The following MAD2L1BP variants were observed in gnomAD, a reference collection of about 807,000 sequenced individuals.
The protein encoded by MAD2L1BP is MAD2L1-binding protein.
Under a neutral mutation model 28.4 loss-of-function variants are expected in MAD2L1BP, and 22 were observed. The ratio of observed to expected loss-of-function variants is 0.77; its 90% CI spans 0.55 to 1.10. The LOEUF is 1.10. Among genes scored for constraint, MAD2L1BP ranks in the 50% least tolerant of loss-of-function variants. The pLI is 0.00. For missense variants in MAD2L1BP, 325 were observed against 350.5 expected (o/e 0.93, Z 0.58); for synonymous variants, 146 against 133.7 (o/e 1.09, Z -0.63).
rs748466687 is a variant in MAD2L1BP at position 43,636,636 on chromosome 6, C to T, written c.302C>T (p.Pro101Leu). 4.3e-6 allele frequency: 7 copies of T among 1,612,368 alleles called. No homozygotes were observed. Among genetic ancestry groups the T allele is most frequent in the Non-Finnish European group, 1.7e-6 (2 of 1,178,588 alleles). Residue 101 changes from proline (P) to leucine (L), a missense_variant, in exon 2 of 3, where the codon CCT becomes CTT. Physicochemically the swap from Pro to Leu is moderately conservative, Grantham distance 98 (BLOSUM62 -3). Coordinates refer to ENST00000372171, the MANE Select transcript of MAD2L1BP (RefSeq NM_014628.3). ...YEQLKHFYRK[P>L]SPQAEEMLKK... is the part of the protein sequence containing the mutation. ...CAGCTTAAGCACTTTTACCGAAAAC[C>T]TTCTCCCCAGGTAGGCACAGGCTTT...
chr6:43,630,762 A>C (rs1769865480), intron 1 of MAD2L1BP, among the ~76,000 whole-genome samples: 1 of 150,236 alleles, frequency 6.7e-6, no homozygotes, highest in African/African-American at 2.4e-5. Flanking sequence ...AAAAAAAATT[A>C]GCCCAGCATG....
upstream of MAD2L1BP, among the ~76,000 whole-genome samples, chr6:43,632,258 CTT>C (rs1197422575): frequency 1.3e-3 from 145 of 108,832 alleles, no homozygotes; most frequent in African/African-American, 3.8e-3. Context: ...GATTGATTGA[CTT>C]TTTTTTTTTT....
At chr6:43,637,467 C>T (rs1770302638) in intron 2 of MAD2L1BP, among the ~76,000 whole-genome samples, 2 of 151,012 alleles carry the variant, frequency 1.3e-5, no homozygotes, top group Admixed American at 1.3e-4. Context: ...GCCTTGTCAC[C>T]CAGGCTGGAG....
In MAD2L1BP at chr6:43,635,869, G is replaced by A. The variant is rs2127860410; in HGVS notation, c.-7G>A. The A allele has an allele frequency of 1.4e-6, 2 of 1,478,706 alleles. No individual in the cohort carries two copies. Among genetic ancestry groups the A allele is most frequent in the African/African-American group, 1.5e-5 (1 of 67,336 alleles). 91.6% of individuals were successfully genotyped at this position (1,478,706 alleles called of 1,614,324 possible). A position where few individuals can be genotyped will look rare whatever the true frequency, so the allele number is the denominator to read the frequency against. Reference sequence around the variant, plus strand: ...TAACCGCAAGGAGTAGCGGAGGGGAGGTCGTGATGGCGGCGCCGGAGGCGG... The same window carrying A: ...TAACCGCAAGGAGTAGCGGAGGGGAAGTCGTGATGGCGGCGCCGGAGGCGG... On this transcript the variant is annotated 5_prime_UTR_variant, in exon 1 of 3. Coordinates refer to ENST00000372171, the MANE Select transcript of MAD2L1BP (RefSeq NM_014628.3).
At chr6:43,635,765 C>T (rs1770169387), upstream of MAD2L1BP, 3 of 1,151,246 alleles carry the variant, frequency 2.6e-6, no homozygotes, top group Non-Finnish European at 3.5e-6. Flanking sequence ...ACTGCGGCGA[C>T]GCCGCGCCTT....
At chr6:43,630,022 A>G (rs922649539) in intron 1 of MAD2L1BP, among the ~76,000 whole-genome samples, 2 of 152,234 alleles carry the variant, frequency 1.3e-5, no homozygotes, top group Admixed American at 6.5e-5. Flanking sequence ...CTTTGTTTTG[A>G]AGCAGAACCA....
At chr6:43,636,978 A>G in intron 2 of MAD2L1BP, 1 of 200,114 alleles carries the variant, frequency 5.0e-6, no homozygotes, top group Admixed American at 5.5e-5. Flanking sequence ...CCCAGGTTCA[A>G]GCGATTCTGC....
upstream of MAD2L1BP, among the ~76,000 whole-genome samples, chr6:43,631,929 C>T (rs892588663): frequency 3.9e-5 from 6 of 152,040 alleles, no homozygotes; most frequent in South Asian, 4.1e-4. Flanking sequence ...GATGGAGTTT[C>T]GCTCTTGTTG....
At chr6:43,631,629 T>A (rs926977370), upstream of MAD2L1BP, among the ~76,000 whole-genome samples, 1 of 152,038 alleles carries the variant, frequency 6.6e-6, no homozygotes, top group East Asian at 1.9e-4. Flanking sequence ...GAACTACAGG[T>A]GCGAGCCACC....
intron 2 of MAD2L1BP, among the ~76,000 whole-genome samples, chr6:43,637,092 C>T (rs1770270942): frequency 6.6e-6 from 1 of 151,232 alleles, no homozygotes; most frequent in South Asian, 2.1e-4. Flanking sequence ...GAGACAGAGT[C>T]TCTCTCTTGT....
At chr6:43,637,357 G>A (rs1367829624) in intron 2 of MAD2L1BP, among the ~76,000 whole-genome samples, 4 of 151,644 alleles carry the variant, frequency 2.6e-5, no homozygotes, top group African/African-American at 7.3e-5. Context: ...GTGAACTACC[G>A]CGCCTGGCCT....
At chr6:43,635,671 TG>T, upstream of MAD2L1BP, 1 of 528,090 alleles carries the variant, frequency 1.9e-6, no homozygotes, top group Non-Finnish European at 3.2e-6. Context: ...GGTTCCCTGC[TG>T]GGCAAGGGTT....
At chr6:43,632,579 T>G (rs1450097576), upstream of MAD2L1BP, among the ~76,000 whole-genome samples, 1 of 151,874 alleles carries the variant, frequency 6.6e-6, no homozygotes, top group African/African-American at 2.4e-5. Flanking sequence ...TTTTAATCAT[T>G]GTACTTTTAT....
intron 2 of MAD2L1BP, among the ~76,000 whole-genome samples, chr6:43,637,316 T>C (rs947679274): frequency 6.6e-6 from 1 of 151,964 alleles, no homozygotes; most frequent in African/African-American, 2.4e-5. Context: ...CTGCCCGCCT[T>C]GGCCTCTCCC....
chr6:43,640,053 C>T lies in MAD2L1BP; in HGVS notation c.345C>T (p.Ala115=). ...AGATGCTGAAGAAGAAACCTCGGGCCACCACTGAGGTGAGCAGCAGGAAAT... is the reference window on the plus strand; with the variant it reads ...AGATGCTGAAGAAGAAACCTCGGGCTACCACTGAGGTGAGCAGCAGGAAAT... ...AEEMLKKKPR[A]TTEVSSRKCQ... The change falls in exon 3 of 3, where the codon GCC becomes GCT. Residue 115 remains alanine, a synonymous_variant. Transcript: ENST00000372171. 4.5e-6 allele frequency: 7 copies of T among 1,540,624 alleles called. No homozygotes were observed. Among genetic ancestry groups the T allele is most frequent in the Non-Finnish European group, 6.1e-6 (7 of 1,140,068 alleles).
At chr6:43,629,580 G>C in exon 1 of MAD2L1BP, 1 of 716,708 alleles carries the variant, frequency 1.4e-6, no homozygotes. Flanking sequence ...GGGGACGCGA[G>C]GACACCAGCG....
intron 1 of MAD2L1BP, chr6:43,629,851 C>A: frequency 6.8e-7 from 1 of 1,470,326 alleles, no homozygotes. Context: ...ATTATGCTAC[C>A]TTTACATAGT....
At chr6:43,639,733 T>G (rs1022887153) in intron 2 of MAD2L1BP, among the ~76,000 whole-genome samples, 4 of 152,246 alleles carry the variant, frequency 2.6e-5, no homozygotes, top group Admixed American at 2.6e-4. Flanking sequence ...TGTCACTTTG[T>G]CATGTCACCA....
At chr6:43,636,890 T>A (rs888768354) in intron 2 of MAD2L1BP, 1 of 516,772 alleles carries the variant, frequency 1.9e-6, no homozygotes, top group South Asian at 2.2e-5. Flanking sequence ...TGCATTTTTT[T>A]CTTTTGAGAC....
Sources: gnomAD v4.1 joint callset for allele counts (sites outside exome capture counted in the v4.1 genomes callset) on GRCh38, gnomAD v4.1.1 for gene constraint, MANE v1.5 for transcripts, NCBI Gene and HGNC (gene_info 2026-07-23, HGNC 2026-07-21) for gene names.